FBF1: variants seen among roughly 807,000 people sequenced by gnomAD.
The protein encoded by FBF1 is fas-binding factor 1.
A neutral mutation model predicts 147.2 loss-of-function variants in FBF1; 119 were observed. That is an observed-to-expected ratio of 0.81 (90% confidence interval 0.70 to 0.94). The LOEUF (loss-of-function observed/expected upper bound fraction) is 0.94. FBF1 is among the 40% of genes least tolerant of loss of function. The pLI is 0.00. For missense variants in FBF1, 1,449 were observed against 1,500.8 expected (o/e 0.97, Z 0.57); for synonymous variants, 601 against 609.0 (o/e 0.99, Z 0.19).
At chr17:75,914,955 C>T (rs2065479536) in intron 24 of FBF1, 23 bp from the exon 25 acceptor site, 2 of 1,611,030 alleles carry the variant, frequency 1.2e-6, no homozygotes, top group Non-Finnish European at 1.7e-6. Flanking sequence ...GGTGAAGGCA[C>T]GGGGTGAGTG....
At chr17:75,924,204 ACT>A (rs146296622) in intron 13 of FBF1, among the ~76,000 whole-genome samples, 3,927 of 152,022 alleles carry the variant, frequency 0.026, 149 homozygotes, top group African/African-American at 0.079. Flanking sequence ...ACAGAGTGAG[ACT>A]CTGTCTAAAA....
intron 23 of FBF1, among the ~76,000 whole-genome samples, chr17:75,915,490 T>C (rs1303211368): frequency 6.6e-6 from 1 of 152,178 alleles, no homozygotes; most frequent in African/African-American, 2.4e-5. Flanking sequence ...AAGCACAGGG[T>C]GGCTTAATGC....
intron 1 of FBF1, chr17:75,939,966 G>A (rs1176828105): frequency 6.6e-6 from 1 of 152,176 alleles, no homozygotes; most frequent in African/African-American, 2.4e-5. Context: ...TCTTTTTTTA[G>A]ACGGAGTCTT....
chr17:75,932,944 A>G (rs2065603055), intron 5 of FBF1, 51 bp downstream of exon 5: 2 of 1,255,486 alleles, frequency 1.6e-6, no homozygotes, highest in South Asian at 1.4e-5. Flanking sequence ...AGGGGCAGAG[A>G]GCATTTAGAC....
At chr17:75,917,359 A>G in intron 23 of FBF1, among the ~76,000 whole-genome samples, 1 of 152,256 alleles carries the variant, frequency 6.6e-6, no homozygotes, top group East Asian at 1.9e-4. Context: ...CTAGGATGAC[A>G]TTTAATGGGC....
At chr17:75,930,185 C>A (rs72865813) in intron 6 of FBF1, 138 bp from the exon 7 acceptor site, 55,884 of 658,762 alleles carry the variant, frequency 0.085, 3,278 homozygotes, top group African/African-American at 0.23. Flanking sequence ...GGAGCTTACA[C>A]AGGAGGGTGG....
At chr17:75,940,519 G>C (rs1433759922) in intron 1 of FBF1, 2 of 152,630 alleles carry the variant, frequency 1.3e-5, no homozygotes, top group Admixed American at 1.3e-4. Flanking sequence ...GCCTCCCAAA[G>C]TGTCGGGATT....
In FBF1 at chr17:75,922,039, G is replaced by C; in HGVS notation, c.1432C>G (p.Leu478Val). The C allele has an allele frequency of 6.4e-7, 1 of 1,551,948 alleles. No individual in the cohort carries two copies. The highest frequency in any genetic ancestry group is 8.7e-7 in the Non-Finnish European group (1 of 1,147,050). Residue 478 changes from leucine to valine, a missense_variant, in exon 15 of 30, where the codon CTC becomes GTC. Physicochemically the swap from Leu to Val is conservative, Grantham distance 32. Transcript: ENST00000636174. This position sits in a 1 kb window ranked among gnomAD's most constrained non-coding sequence, Gnocchi z 5.0. Reference sequence around the variant, plus strand: ...TGCTCAAGCCCTTGTGTGCTGGTGAGAGGTTGGCTGAGGAAAGGCAGCGTT... The same window carrying C: ...TGCTCAAGCCCTTGTGTGCTGGTGACAGGTTGGCTGAGGAAAGGCAGCGTT... ...AGHPPSGSQP[L>V]TSTQGLEHAA...
chr17:75,920,298 G>C lies in FBF1; in HGVS notation c.1806C>G (p.Ala602=). Residue 602 remains alanine (A), a synonymous_variant, in exon 18 of 30, where the codon GCC becomes GCG. Coordinates refer to ENST00000636174, the MANE Select transcript of FBF1 (RefSeq NM_001319193.2). ...ELQAELLHSQ[A]RLAELEAQVR... ...CCTGGGCCTCCAGCTCTGCCAGCCGGGCCTGGCTATGCAGCAGCTCGGCCT... is the reference window on the plus strand; with the variant it reads ...CCTGGGCCTCCAGCTCTGCCAGCCGCGCCTGGCTATGCAGCAGCTCGGCCT... 6.2e-7 allele frequency: 1 copy of C among 1,611,124 alleles called. No individual in the cohort carries two copies. The highest frequency in any genetic ancestry group is 8.5e-7 in the Non-Finnish European group (1 of 1,179,136).
At chr17:75,920,245 C>T (rs1160030433) in intron 18 of FBF1, 29 bp downstream of exon 18, 2 of 1,601,730 alleles carry the variant, frequency 1.2e-6, no homozygotes, top group Non-Finnish European at 1.7e-6. Flanking sequence ...AACCCTGCCA[C>T]CAGCACCAAC....
chr17:75,911,239 C>T (rs1420222965), intron 29 of FBF1, among the ~76,000 whole-genome samples: 6 of 152,114 alleles, frequency 3.9e-5, no homozygotes, highest in East Asian at 1.9e-4. Context: ...GAGGCAACAT[C>T]GTGAGACCCC....
intron 2 of FBF1, 195 bp from the exon 3 acceptor site, chr17:75,937,788 C>T: frequency 1.5e-6 from 1 of 684,156 alleles, no homozygotes; most frequent in Admixed American, 2.3e-5. Flanking sequence ...GGAAACAGCC[C>T]TGCTAACCAG....
rs1470694781 is a variant in FBF1 at position 75,909,774 on chromosome 17, G to C, written c.*949C>G. 1 of 631,990 alleles carries C rather than the reference G, an allele frequency of 1.6e-6. No individual in the cohort carries two copies. Among genetic ancestry groups the C allele is most frequent in the Admixed American group, 2.4e-5 (1 of 41,772 alleles). The allele number at this position is 631,990 out of a possible 1,614,324, so 39.1% of individuals were successfully genotyped here. A position where few individuals can be genotyped will look rare whatever the true frequency, so the allele number is the denominator to read the frequency against. ...GGCTGATCTTTTAATAAGAACATCTGCCTGTTCTTTGGGACTTGTCCAGCA... is the reference window on the plus strand; with the variant it reads ...GGCTGATCTTTTAATAAGAACATCTCCCTGTTCTTTGGGACTTGTCCAGCA... On this transcript the variant is annotated 3_prime_UTR_variant, in exon 30 of 30. Coordinates refer to ENST00000636174, the MANE Select transcript of FBF1 (RefSeq NM_001319193.2).
Position 75,910,045 on chromosome 17 carries a change from C to T in FBF1, c.*678G>A, listed in dbSNP as rs771254553. The T allele has an allele frequency of 2.3e-4, 147 of 645,828 alleles. 4 individuals are homozygous for T. Among genetic ancestry groups the T allele is most frequent in the South Asian group, 1.6e-3 (108 of 66,120 alleles). 40.0% of individuals were successfully genotyped at this position (645,828 alleles called of 1,614,324 possible). ...ACCCCACCATCGCCACAGCTCCCTC[C>T]GCCGCCGGTGGGGCACCCAGATGGG... is the stretch of plus-strand genomic sequence containing the variant. On this transcript the variant is annotated 3_prime_UTR_variant, in exon 30 of 30. Coordinates refer to ENST00000636174, the MANE Select transcript of FBF1 (RefSeq NM_001319193.2). The surrounding 1 kb of genome is among the most constrained non-coding windows in gnomAD (Gnocchi z 4.1).
intron 6 of FBF1, 56 bp from the exon 7 acceptor site, chr17:75,930,103 A>C: frequency 7.1e-7 from 1 of 1,401,810 alleles, no homozygotes; most frequent in South Asian, 1.2e-5. Flanking sequence ...GTCAAGGCCC[A>C]ATAAAACTCA....
At chr17:75,912,055 C>G in intron 29 of FBF1, 137 bp downstream of exon 29, 1 of 776,586 alleles carries the variant, frequency 1.3e-6, no homozygotes, top group South Asian at 1.6e-5. Context: ...AGCATTGGCT[C>G]ACTAAGCAAA....
Position 75,924,871 on chromosome 17 carries a change from AT to A in FBF1, c.968+475del, listed in dbSNP as rs965463792. Among the ~76,000 whole-genome samples the A allele has an allele frequency of 1.7e-3, 255 of 149,124 alleles. 1 individual carries two copies. The highest frequency in any genetic ancestry group is 4.9e-3 in the African/African-American group (201 of 40,898). ...CTCAGAAAATCCTATCACTGATTTA[AT>A]TTTTTTTTTTGTAAACTGAGAGGAT... On this transcript the variant is annotated intron_variant, in intron 13 of 29. Transcript: ENST00000636174.
At chr17:75,920,146 G>A (rs1191281442) in intron 18 of FBF1, 39 bp from the exon 19 acceptor site, 1 of 1,583,068 alleles carries the variant, frequency 6.3e-7, no homozygotes, top group East Asian at 2.3e-5. Context: ...AGGGAGGGGA[G>A]GTGGCTGTAC....
At chr17:75,924,337 G>A (rs551973122) in intron 13 of FBF1, among the ~76,000 whole-genome samples, 9 of 152,340 alleles carry the variant, frequency 5.9e-5, no homozygotes, top group African/African-American at 1.9e-4. Flanking sequence ...GGTTAAGAAC[G>A]TACTGGGTAT....
Sources: allele counts gnomAD v4.1 joint callset (sites outside exome capture counted in the v4.1 genomes callset), GRCh38; gene constraint gnomAD v4.1.1; non-coding constraint Gnocchi (gnomAD v3.1); transcripts MANE v1.5; gene names NCBI Gene and HGNC (gene_info 2026-07-23, HGNC 2026-07-21).